The following KCNAB1 variants were observed in gnomAD, a reference collection of about 807,000 sequenced individuals.
The protein encoded by KCNAB1 is potassium voltage-gated channel subfamily A regulatory beta subunit 1.
KCNAB1 carries 35 observed loss-of-function variants against 64.6 expected under a neutral mutation model. The observed-to-expected ratio is 0.54, with a 90% confidence interval of 0.41 to 0.72. KCNAB1 has a LOEUF of 0.72. Ranked by LOEUF, KCNAB1 falls within the 30% of genes least tolerant of loss-of-function variation. The pLI is 0.00. For synonymous variants in KCNAB1, 177 were observed against 183.8 expected (o/e 0.96, Z 0.30); for missense variants, 401 against 512.9 (o/e 0.78, Z 2.11).
rs549956873 is a variant in KCNAB1 at position 156,329,713 on chromosome 3, G to A, written c.276-91903G>A. ...AAGGAAGCCATTTCACTCTTGCCAA[G>A]AGAAAACATCAGAGAAGAGAGCCAC... On this transcript the variant is annotated intron_variant, in intron 1 of 13. Transcript: ENST00000490337. Among the ~76,000 whole-genome samples, 100 of 152,234 alleles carry A rather than the reference G, an allele frequency of 6.6e-4. 1 individual carries two copies. The Middle Eastern group carries it at 0.017, about 26-fold the overall frequency.
At chr3:156,137,526 A>G (rs188212942) in intron 1 of KCNAB1, among the ~76,000 whole-genome samples, 4 of 151,428 alleles carry the variant, frequency 2.6e-5, no homozygotes, top group South Asian at 2.1e-4. Flanking sequence ...TTAACATTAG[A>G]TTTCTTGATG....
intron 1 of KCNAB1, among the ~76,000 whole-genome samples, chr3:156,250,122 A>G (rs1317842193): frequency 1.3e-5 from 2 of 152,146 alleles, no homozygotes; most frequent in African/African-American, 2.4e-5. Flanking sequence ...TTTGAAAGCT[A>G]TTAGGATTGA....
chr3:156,302,998 A>T (rs1207853882), intron 1 of KCNAB1, among the ~76,000 whole-genome samples: 5 of 152,224 alleles, frequency 3.3e-5, no homozygotes, highest in Non-Finnish European at 7.3e-5. Flanking sequence ...AATAGACCTT[A>T]ACCCTTCCAT....
At chr3:156,316,306 C>G (rs1469931497) in intron 1 of KCNAB1, among the ~76,000 whole-genome samples, 1 of 152,240 alleles carries the variant, frequency 6.6e-6, no homozygotes. Flanking sequence ...AGCCTAGACT[C>G]TTTTCTTGAC....
At chr3:156,219,418 AAG>A (rs934735179) in intron 1 of KCNAB1, among the ~76,000 whole-genome samples, 1 of 152,126 alleles carries the variant, frequency 6.6e-6, no homozygotes, top group African/African-American at 2.4e-5. Flanking sequence ...ACAAAGAAAA[AAG>A]AATTTAAAAA....
At chr3:156,205,921 G>A (rs1014601418) in intron 1 of KCNAB1, among the ~76,000 whole-genome samples, 6 of 152,338 alleles carry the variant, frequency 3.9e-5, no homozygotes, top group Non-Finnish European at 7.3e-5. Flanking sequence ...GGATAGTCCT[G>A]TTGTTCCTAG....
intron 1 of KCNAB1, among the ~76,000 whole-genome samples, chr3:156,125,198 A>G (rs1713579386): frequency 6.6e-6 from 1 of 152,124 alleles, no homozygotes; most frequent in Non-Finnish European, 1.5e-5. Flanking sequence ...TTGAAAGAGG[A>G]ACGTGCTTTG....
chr3:156,397,585 C>CA (rs2108182797), intron 1 of KCNAB1, among the ~76,000 whole-genome samples: 1 of 152,278 alleles, frequency 6.6e-6, no homozygotes, highest in African/African-American at 2.4e-5. Flanking sequence ...GTTTGGCTCA[C>CA]AGTCTATGTG....
chr3:156,253,553 A>G (rs1039303087), intron 1 of KCNAB1, among the ~76,000 whole-genome samples: 7 of 152,200 alleles, frequency 4.6e-5, no homozygotes, highest in Admixed American at 2.6e-4. Flanking sequence ...GAAGATTCTG[A>G]TGGTTGCCAT....
chr3:156,284,005 G>T (rs1576676202), intron 1 of KCNAB1, among the ~76,000 whole-genome samples: 1 of 152,020 alleles, frequency 6.6e-6, no homozygotes, highest in East Asian at 1.9e-4. Context: ...TCCGTTGCTG[G>T]TGAGGAACTG....
chr3:156,420,649 G>A (rs975154720), intron 1 of KCNAB1, among the ~76,000 whole-genome samples: 4 of 152,180 alleles, frequency 2.6e-5, no homozygotes, highest in African/African-American at 9.6e-5. Context: ...GAATAAGGGT[G>A]CACTTTTCTA....
chr3:156,455,177 C>A lies in KCNAB1; in HGVS notation c.357+2241C>A, dbSNP rs114923491. 3.4e-3 allele frequency among the ~76,000 whole-genome samples: 524 copies of A among 152,316 alleles called. 2 individuals are homozygous for A. The highest frequency in any genetic ancestry group is 0.012 in the African/African-American group (505 of 41,558). On this transcript the variant is annotated intron_variant, in intron 3 of 13. Transcript: ENST00000490337. ...GCTTTCCGTGTAGCAAAAATGCGGA[C>A]CAATAGCAGTGAGTTCACCTACCTC...
chr3:156,259,935 T>C (rs1309087399), intron 1 of KCNAB1, among the ~76,000 whole-genome samples: 4 of 152,178 alleles, frequency 2.6e-5, no homozygotes, highest in Non-Finnish European at 5.9e-5. Context: ...CCAGACCCAG[T>C]GTTATGCCCA....
chr3:156,202,762 T>C (rs1714420038), intron 1 of KCNAB1, among the ~76,000 whole-genome samples: 1 of 152,110 alleles, frequency 6.6e-6, no homozygotes, highest in Non-Finnish European at 1.5e-5. Flanking sequence ...GTATTATTTT[T>C]TAAATTGGAA....
At chr3:156,349,096 G>A (rs544505844) in intron 1 of KCNAB1, among the ~76,000 whole-genome samples, 2 of 152,296 alleles carry the variant, frequency 1.3e-5, no homozygotes, top group East Asian at 1.9e-4. Flanking sequence ...GGGAAGTTAA[G>A]GAACACACGC....
chr3:156,311,545 A>C (rs3755625), intron 1 of KCNAB1, among the ~76,000 whole-genome samples: 32,375 of 152,080 alleles, frequency 0.21, 3,478 homozygotes, highest in Middle Eastern at 0.38. Context: ...CCTGGAGCAG[A>C]GGCATGGGGA....
At chr3:156,530,047 G>A (rs875582) in intron 12 of KCNAB1, among the ~76,000 whole-genome samples, 89,398 of 151,994 alleles carry the variant, frequency 0.59, 26,581 homozygotes, top group East Asian at 0.82. Flanking sequence ...AGGGAATCTG[G>A]ACTGACCTTT....
chr3:156,167,502 C>G (rs1037186476), intron 1 of KCNAB1, among the ~76,000 whole-genome samples: 2 of 152,166 alleles, frequency 1.3e-5, no homozygotes, highest in African/African-American at 4.8e-5. Context: ...AACCAATAAG[C>G]TTTCTCTGAA....
At chr3:156,361,144 CT>C (rs1725583256) in intron 1 of KCNAB1, among the ~76,000 whole-genome samples, 1 of 152,124 alleles carries the variant, frequency 6.6e-6, no homozygotes, top group Admixed American at 6.5e-5. Context: ...CTTTACCGCC[CT>C]CATCATTCTT....
Sources: gnomAD v4.1 joint callset for allele counts (sites outside exome capture counted in the v4.1 genomes callset) on GRCh38, gnomAD v4.1.1 for gene constraint, MANE v1.5 for transcripts, NCBI Gene and HGNC (gene_info 2026-07-23, HGNC 2026-07-21) for gene names.